Variants in ATRNL1 observed in about 807,000 individuals in gnomAD.
The protein encoded by ATRNL1 is attractin-like protein 1.
A neutral mutation model predicts 182.7 loss-of-function variants in ATRNL1; 95 were observed. The ratio of observed to expected loss-of-function variants is 0.52; its 90% CI spans 0.44 to 0.62. The LOEUF (loss-of-function observed/expected upper bound fraction) is 0.62. Ranked by LOEUF, ATRNL1 falls within the 20% of genes least tolerant of loss-of-function variation. The probability of loss-of-function intolerance (pLI) is 0.00; values close to 1 mark genes in which losing one functional copy is unlikely to be tolerated. For missense variants in ATRNL1, 1,471 were observed against 1,679.5 expected (o/e 0.88, Z 2.17); for synonymous variants, 576 against 568.3 (o/e 1.01, Z -0.19).
chr10:115,265,435 A>G (rs971014442), intron 11 of ATRNL1, among the ~76,000 whole-genome samples, 158 bp downstream of exon 11: 14 of 151,718 alleles, frequency 9.2e-5, no homozygotes, highest in Admixed American at 6.6e-5. Context: ...TTTGTCAATC[A>G]TATCTTTTTT....
chr10:115,206,168 T>C (rs1447005429), intron 8 of ATRNL1, among the ~76,000 whole-genome samples: 4 of 152,138 alleles, frequency 2.6e-5, no homozygotes, highest in Non-Finnish European at 5.9e-5. Context: ...TTTCTTATGA[T>C]AAAACCATAG....
At chr10:115,608,356 A>G (rs1007417415) in intron 26 of ATRNL1, among the ~76,000 whole-genome samples, 4 of 152,052 alleles carry the variant, frequency 2.6e-5, no homozygotes, top group Admixed American at 2.0e-4. Flanking sequence ...AAAAATCCTC[A>G]AGATTATTAG....
intron 25 of ATRNL1, among the ~76,000 whole-genome samples, chr10:115,549,055 A>G (rs1852821546): frequency 6.6e-6 from 1 of 152,142 alleles, no homozygotes; most frequent in Non-Finnish European, 1.5e-5. Flanking sequence ...TAATATGTTC[A>G]TATATAAAAT....
chr10:115,168,724 A>C (rs782258950), intron 7 of ATRNL1, among the ~76,000 whole-genome samples: 1 of 152,104 alleles, frequency 6.6e-6, no homozygotes, highest in Non-Finnish European at 1.5e-5. Context: ...TATCAGGTAA[A>C]TAATTTGCAA....
intron 20 of ATRNL1, among the ~76,000 whole-genome samples, chr10:115,400,893 C>T (rs782314509): frequency 8.6e-5 from 13 of 151,920 alleles, no homozygotes; most frequent in Non-Finnish European, 1.5e-4. Flanking sequence ...GATCTTTATT[C>T]GGTTTGCCTT....
rs370891056 is a variant in ATRNL1 at position 115,467,282 on chromosome 10, T to C, written c.3496+30T>C. 6 of 1,479,044 alleles carry C rather than the reference T, an allele frequency of 4.1e-6. No individual in the cohort carries two copies. In the East Asian group the frequency reaches 9.3e-5, roughly 23 times the overall value. The allele number at this position is 1,479,044 out of a possible 1,614,324, so 91.6% of individuals were successfully genotyped here. On this transcript the variant is annotated intron_variant, in intron 23 of 28. Transcript: ENST00000355044. Reference sequence around the variant, plus strand: ...AAAAATGTTGATGTCATATCTCTTTTACATGTGTTCCTATCTGGAAGTTGT... The same window carrying C: ...AAAAATGTTGATGTCATATCTCTTTCACATGTGTTCCTATCTGGAAGTTGT...
chr10:115,237,542 G>A (rs2133809892), intron 9 of ATRNL1, among the ~76,000 whole-genome samples: 1 of 152,278 alleles, frequency 6.6e-6, no homozygotes, highest in South Asian at 2.1e-4. Flanking sequence ...TAGAAAAGGT[G>A]TCTGTTCAGA....
chr10:115,573,737 T>C (rs1196656763), intron 26 of ATRNL1, among the ~76,000 whole-genome samples: 1 of 152,118 alleles, frequency 6.6e-6, no homozygotes, highest in Non-Finnish European at 1.5e-5. Flanking sequence ...ATGGTTAGAA[T>C]AGCCTTCACC....
At chr10:115,680,913 G>A (rs575854633) in intron 26 of ATRNL1, among the ~76,000 whole-genome samples, 2 of 152,246 alleles carry the variant, frequency 1.3e-5, no homozygotes, top group East Asian at 1.9e-4. Flanking sequence ...TAGACTGAAT[G>A]ATGGGCTTGA....
At chr10:115,871,442 G>A (rs968193976) in intron 28 of ATRNL1, among the ~76,000 whole-genome samples, 14 of 141,320 alleles carry the variant, frequency 9.9e-5, no homozygotes, top group Admixed American at 2.2e-4. Context: ...TGACAGTACC[G>A]GTCCTAGAAA....
intron 23 of ATRNL1, among the ~76,000 whole-genome samples, chr10:115,468,513 G>A (rs532431581): frequency 9.3e-4 from 141 of 150,844 alleles, no homozygotes; most frequent in Non-Finnish European, 1.8e-3. Flanking sequence ...TAAGGTGAAA[G>A]TATTGCTAAG....
At chr10:115,490,935 ATGTTG>A (rs1426277522) in intron 24 of ATRNL1, among the ~76,000 whole-genome samples, 4 of 152,022 alleles carry the variant, frequency 2.6e-5, no homozygotes, top group Non-Finnish European at 5.9e-5. Context: ...CTTTTTGTTG[ATGTTG>A]ATACTATTCC....
chr10:115,311,798 A>G (rs956115495), intron 17 of ATRNL1, among the ~76,000 whole-genome samples: 1 of 152,030 alleles, frequency 6.6e-6, no homozygotes, highest in South Asian at 2.1e-4. Context: ...TGTTAGGTGC[A>G]TATATATTTT....
intron 9 of ATRNL1, among the ~76,000 whole-genome samples, chr10:115,235,340 C>G (rs1554901137): frequency 6.6e-6 from 1 of 152,108 alleles, no homozygotes; most frequent in East Asian, 1.9e-4. Context: ...ACCACTAGTT[C>G]CAGAATATTT....
At chr10:115,752,027 T>G (rs1015704140) in intron 27 of ATRNL1, among the ~76,000 whole-genome samples, 1 of 152,042 alleles carries the variant, frequency 6.6e-6, no homozygotes, top group African/African-American at 2.4e-5. Flanking sequence ...AACTATGAAG[T>G]TTTACTGATT....
At chr10:115,373,479 T>G (rs1426061997) in intron 19 of ATRNL1, among the ~76,000 whole-genome samples, 2 of 152,060 alleles carry the variant, frequency 1.3e-5, no homozygotes, top group Non-Finnish European at 2.9e-5. Flanking sequence ...CACTAATGAG[T>G]ATGATGTTAG....
intron 19 of ATRNL1, among the ~76,000 whole-genome samples, chr10:115,382,418 C>T (rs142080849): frequency 2.0e-4 from 30 of 151,680 alleles, no homozygotes; most frequent in Non-Finnish European, 2.8e-4. Flanking sequence ...TAAATTATTT[C>T]GTGAGAATTT....
At chr10:115,205,113 T>C (rs1024825556) in intron 8 of ATRNL1, among the ~76,000 whole-genome samples, 3 of 152,082 alleles carry the variant, frequency 2.0e-5, no homozygotes, top group Non-Finnish European at 2.9e-5. Flanking sequence ...AGCAAATTAT[T>C]GTAGCTATTA....
chr10:115,896,331 GAA>G (rs1229285926), intron 28 of ATRNL1, among the ~76,000 whole-genome samples: 2 of 152,110 alleles, frequency 1.3e-5, no homozygotes, highest in Non-Finnish European at 2.9e-5. Flanking sequence ...ATATTTCAAA[GAA>G]ATCAGTAATT....
Sources: gnomAD v4.1 joint callset for allele counts (sites outside exome capture counted in the v4.1 genomes callset) on GRCh38, gnomAD v4.1.1 for gene constraint, MANE v1.5 for transcripts, NCBI Gene and HGNC (gene_info 2026-07-23, HGNC 2026-07-21) for gene names.